LOC400499: variants seen among roughly 807,000 people sequenced by gnomAD.
At chr16:11,420,285 T>C in the LOC400499 span, among the ~76,000 whole-genome samples, 2 of 151,912 alleles carry the variant, frequency 1.3e-5, no homozygotes, top group Admixed American at 6.6e-5. Flanking sequence ...TGAGTTCATG[T>C]CCTTTGTAGG....
the LOC400499 span, among the ~76,000 whole-genome samples, chr16:11,420,308 A>G: frequency 6.6e-6 from 1 of 151,952 alleles, no homozygotes; most frequent in Non-Finnish European, 1.5e-5. Flanking sequence ...CATGGATGAA[A>G]TTAGAAATCA....
the LOC400499 span, among the ~76,000 whole-genome samples, chr16:11,395,688 T>G: frequency 6.6e-6 from 1 of 152,040 alleles, no homozygotes; most frequent in Non-Finnish European, 1.5e-5. Flanking sequence ...GCAAGGGAGA[T>G]GGTATTTGTT....
chr16:11,424,985 T>A, the LOC400499 span: 1 of 397,380 alleles, frequency 2.5e-6, no homozygotes, highest in East Asian at 3.6e-5. Flanking sequence ...GAGACACAGG[T>A]GTGCCGGGGA....
chr16:11,396,526 G>T, the LOC400499 span: 2 of 1,232,086 alleles, frequency 1.6e-6, no homozygotes, highest in Admixed American at 8.4e-5. Flanking sequence ...GTGCCCCGGA[G>T]AAGTCAGCTG....
chr16:11,445,642 T>C, the LOC400499 span, among the ~76,000 whole-genome samples: 2 of 152,016 alleles, frequency 1.3e-5, no homozygotes, highest in African/African-American at 4.8e-5. Flanking sequence ...GCGAAGAGGC[T>C]GGATGAGGCA....
At chr16:11,421,734 G>C in the LOC400499 span, among the ~76,000 whole-genome samples, 1 of 152,116 alleles carries the variant, frequency 6.6e-6, no homozygotes, top group African/African-American at 2.4e-5. Flanking sequence ...CAAACGCATA[G>C]GGACGGAAGG....
chr16:11,428,582 G>A, the LOC400499 span, among the ~76,000 whole-genome samples: 3 of 152,160 alleles, frequency 2.0e-5, no homozygotes, highest in Non-Finnish European at 4.4e-5. Flanking sequence ...AACAGAGGAC[G>A]CTCTCGTCAC....
chr16:11,383,471 G>C, the LOC400499 span, among the ~76,000 whole-genome samples: 1 of 152,202 alleles, frequency 6.6e-6, no homozygotes, highest in Middle Eastern at 3.2e-3. Flanking sequence ...GCATGTACCT[G>C]CCTCGAGGGG....
the LOC400499 span, among the ~76,000 whole-genome samples, chr16:11,515,500 T>C: frequency 6.6e-6 from 1 of 151,300 alleles, no homozygotes; most frequent in Non-Finnish European, 1.5e-5. Context: ...CATACATACG[T>C]ACGTACATAC....
chr16:11,443,555 C>G, the LOC400499 span: 2 of 316,206 alleles, frequency 6.3e-6, no homozygotes, highest in Non-Finnish European at 1.2e-5. Context: ...TAAATGCTTG[C>G]TGAAAAATAC....
At chr16:11,513,081 G>A in the LOC400499 span, among the ~76,000 whole-genome samples, 2 of 152,178 alleles carry the variant, frequency 1.3e-5, no homozygotes, top group African/African-American at 2.4e-5. Context: ...TGACCTCTTT[G>A]AGCCACAGGT....
chr16:11,469,890 G>A, the LOC400499 span, among the ~76,000 whole-genome samples: 5 of 152,132 alleles, frequency 3.3e-5, no homozygotes, highest in South Asian at 2.1e-4. Context: ...CTGGCACCCT[G>A]CACAGACCCC....
the LOC400499 span, among the ~76,000 whole-genome samples, chr16:11,403,470 CATG>C: frequency 6.7e-6 from 1 of 148,350 alleles, no homozygotes; most frequent in African/African-American, 2.6e-5. Context: ...CACATACACA[CATG>C]AGCACACATA....
chr16:11,464,063 T>G, the LOC400499 span, among the ~76,000 whole-genome samples: 1 of 152,238 alleles, frequency 6.6e-6, no homozygotes, highest in African/African-American at 2.4e-5. Context: ...TACAGACATG[T>G]GTACAGATAT....
At chr16:11,522,006 G>T in the LOC400499 span, 1 of 399,316 alleles carries the variant, frequency 2.5e-6, no homozygotes, top group Admixed American at 4.4e-5. Flanking sequence ...AGCCTTGGAG[G>T]CCAAGACCAC....
At chr16:11,497,602 G>A in the LOC400499 span, among the ~76,000 whole-genome samples, 4 of 152,190 alleles carry the variant, frequency 2.6e-5, no homozygotes, top group Non-Finnish European at 5.9e-5. Flanking sequence ...GCAGGCTGGT[G>A]CCACTTGGCT....
At chr16:11,427,325 G>T in the LOC400499 span, among the ~76,000 whole-genome samples, 1 of 121,942 alleles carries the variant, frequency 8.2e-6, no homozygotes, top group African/African-American at 3.2e-5. Flanking sequence ...TCCAGCCTGG[G>T]CAACAAGAGC....
At chr16:11,372,865 C>G in the LOC400499 span, 1 of 215,798 alleles carries the variant, frequency 4.6e-6, no homozygotes, top group Non-Finnish European at 7.9e-6. Context: ...TCCCCATCCA[C>G]TCCCACTCAT....
the LOC400499 span, among the ~76,000 whole-genome samples, chr16:11,501,394 G>C: frequency 6.6e-5 from 10 of 152,114 alleles, no homozygotes; most frequent in Non-Finnish European, 1.3e-4. Flanking sequence ...GTCTCACTCT[G>C]TCACCCAGGC....
Sources: allele counts gnomAD v4.1 joint callset (sites outside exome capture counted in the v4.1 genomes callset), GRCh38; gene constraint gnomAD v4.1.1; transcripts MANE v1.5.